CDH18: variants seen among roughly 807,000 people sequenced by gnomAD.
The protein encoded by CDH18 is cadherin-18.
Under a neutral mutation model 67.9 loss-of-function variants are expected in CDH18, and 31 were observed. That is an observed-to-expected ratio of 0.46 (90% CI 0.34 to 0.62). The LOEUF is 0.62. CDH18 is among the 20% of genes least tolerant of loss of function. The pLI, the probability that CDH18 is intolerant of heterozygous loss-of-function variation, is 0.01. For synonymous variants in CDH18, 362 were observed against 347.2 expected, an observed-to-expected ratio of 1.04 and a Z score of -0.48; for missense variants, 890 against 975.5, an observed-to-expected ratio of 0.91 and a Z score of 1.17.
intron 2 of CDH18, among the ~76,000 whole-genome samples, chr5:19,877,207 T>G (rs1298874154): frequency 6.6e-6 from 1 of 152,040 alleles, no homozygotes; most frequent in Non-Finnish European, 1.5e-5. Context: ...GGCTAAAAAC[T>G]TTCAAACTGT....
intron 2 of CDH18, among the ~76,000 whole-genome samples, chr5:19,845,668 A>C (rs1378558672): frequency 6.6e-6 from 1 of 151,914 alleles, no homozygotes; most frequent in East Asian, 1.9e-4. Flanking sequence ...TATTTGTTTT[A>C]TATATCTAGG....
chr5:20,161,219 A>T (rs1735865860), intron 2 of CDH18, among the ~76,000 whole-genome samples: 1 of 152,360 alleles, frequency 6.6e-6, no homozygotes, highest in South Asian at 2.1e-4. Flanking sequence ...AAAGTCATCT[A>T]CATGGTGGCA....
intron 1 of CDH18, among the ~76,000 whole-genome samples, chr5:20,298,290 C>G (rs774780457): frequency 3.9e-5 from 6 of 152,104 alleles, no homozygotes; most frequent in Non-Finnish European, 4.4e-5. Flanking sequence ...ATGCCCTGAT[C>G]AATAAGTAAA....
chr5:20,486,373 A>C (rs982611281), intron 1 of CDH18, among the ~76,000 whole-genome samples: 8 of 152,208 alleles, frequency 5.3e-5, no homozygotes, highest in African/African-American at 1.9e-4. Flanking sequence ...TATATGCAAC[A>C]ATAAATATAA....
At chr5:19,758,318 GAGCT>G (rs1771896883) in intron 3 of CDH18, among the ~76,000 whole-genome samples, 1 of 152,194 alleles carries the variant, frequency 6.6e-6, no homozygotes, top group Non-Finnish European at 1.5e-5. Context: ...AACAGGCCAA[GAGCT>G]GCCTCTCAAA....
At chr5:19,675,708 G>T (rs190726311) in intron 5 of CDH18, among the ~76,000 whole-genome samples, 1 of 152,016 alleles carries the variant, frequency 6.6e-6, no homozygotes, top group East Asian at 1.9e-4. Flanking sequence ...GGGTCCTGAG[G>T]CGACATTCAT....
chr5:20,234,995 A>G (rs112773264), intron 2 of CDH18, among the ~76,000 whole-genome samples: 51 of 152,282 alleles, frequency 3.3e-4, no homozygotes, highest in African/African-American at 1.2e-3. Context: ...AAAATGCAGA[A>G]TAAGTCTAGA....
intron 5 of CDH18, among the ~76,000 whole-genome samples, chr5:19,630,917 A>C (rs1267988189): frequency 6.6e-6 from 1 of 152,112 alleles, no homozygotes; most frequent in East Asian, 1.9e-4. Context: ...GAAGGGCTAA[A>C]TGAGGCATTG....
chr5:20,521,479 G>C (rs1416554435), intron 1 of CDH18, among the ~76,000 whole-genome samples: 1 of 152,110 alleles, frequency 6.6e-6, no homozygotes, highest in Non-Finnish European at 1.5e-5. Flanking sequence ...TGGTGAACTT[G>C]ACTGGAGTTA....
At chr5:19,697,929 G>T (rs1474296600) in intron 5 of CDH18, among the ~76,000 whole-genome samples, 2 of 152,208 alleles carry the variant, frequency 1.3e-5, no homozygotes, top group East Asian at 1.9e-4. Context: ...TTATAGTCTT[G>T]CCTGCTCCGG....
In CDH18 at chr5:19,959,210, C is replaced by A. The variant is rs1167677914; in HGVS notation, c.-257+21850G>T. Among the ~76,000 whole-genome samples the A allele has an allele frequency of 4.6e-5, 7 of 152,128 alleles. No individual in the cohort carries two copies. The East Asian group carries it at 1.4e-3, about 29-fold the overall frequency. On this transcript the variant is annotated intron_variant, in intron 2 of 12. Coordinates refer to ENST00000382275, the MANE Select transcript of CDH18 (RefSeq NM_004934.5). ...AGTCCTGAAAGCAGTAAATATTTTA[C>A]TGGGCTTAATATTCACATATCTTCA...
intron 1 of CDH18, among the ~76,000 whole-genome samples, chr5:20,286,607 G>A (rs1303694599): frequency 6.6e-6 from 1 of 151,572 alleles, no homozygotes; most frequent in Non-Finnish European, 1.5e-5. Flanking sequence ...ACTCAGTAAT[G>A]GTGTTTATTA....
intron 1 of CDH18, among the ~76,000 whole-genome samples, chr5:20,417,916 C>T (rs1278306198): frequency 2.6e-5 from 4 of 152,096 alleles, no homozygotes; most frequent in Non-Finnish European, 5.9e-5. Context: ...TACCAGGCTC[C>T]CTTCTAACCT....
At chr5:20,384,765 A>T (rs2150105964) in intron 1 of CDH18, among the ~76,000 whole-genome samples, 1 of 152,308 alleles carries the variant, frequency 6.6e-6, no homozygotes, top group East Asian at 1.9e-4. Context: ...TACACAGAGA[A>T]CTATCAGAAG....
intron 1 of CDH18, among the ~76,000 whole-genome samples, chr5:20,544,968 C>A (rs1434397524): frequency 6.6e-6 from 1 of 152,142 alleles, no homozygotes; most frequent in Non-Finnish European, 1.5e-5. Context: ...TTCCAAGATA[C>A]AATGGTGGTA....
intron 10 of CDH18, among the ~76,000 whole-genome samples, chr5:19,507,141 GAC>G (rs1744329488): frequency 6.6e-6 from 1 of 152,074 alleles, no homozygotes; most frequent in Admixed American, 6.6e-5. Context: ...GCAGCCAAAA[GAC>G]ACATGAAAAA....
intron 2 of CDH18, among the ~76,000 whole-genome samples, chr5:20,096,458 G>T (rs1240833082): frequency 6.6e-6 from 1 of 151,300 alleles, no homozygotes; most frequent in Non-Finnish European, 1.5e-5. Flanking sequence ...CAGAAATAAT[G>T]AAGAAAAAAG....
At chr5:19,737,413 T>G (rs1016553953) in intron 4 of CDH18, among the ~76,000 whole-genome samples, 3 of 152,214 alleles carry the variant, frequency 2.0e-5, no homozygotes, top group Admixed American at 6.5e-5. Flanking sequence ...TTTCACTCTA[T>G]GCCTGGTCAC....
chr5:19,897,756 T>A (rs1416741117), intron 2 of CDH18, among the ~76,000 whole-genome samples: 1 of 152,054 alleles, frequency 6.6e-6, no homozygotes, highest in Non-Finnish European at 1.5e-5. Flanking sequence ...TACAACTATA[T>A]GCACCATTAT....
Sources: allele counts gnomAD v4.1 joint callset (sites outside exome capture counted in the v4.1 genomes callset), GRCh38; gene constraint gnomAD v4.1.1; transcripts MANE v1.5; gene names NCBI Gene and HGNC (gene_info 2026-07-23, HGNC 2026-07-21).